PRR16: variants seen among roughly 807,000 people sequenced by gnomAD.
PRR16 encodes the protein protein Largen.
PRR16 carries 6 observed loss-of-function variants against 18.2 expected under a neutral mutation model. The ratio of observed to expected loss-of-function variants is 0.33; its 90% confidence interval spans 0.18 to 0.65. The LOEUF (loss-of-function observed/expected upper bound fraction) is 0.65. Among genes scored for constraint, PRR16 ranks in the 30% least tolerant of loss-of-function variants. PRR16 has a pLI of 0.74. For synonymous variants in PRR16, 151 were observed against 147.8 expected, an observed-to-expected ratio of 1.02 and a Z score of -0.16; for missense variants, 412 against 376.6, an observed-to-expected ratio of 1.09 and a Z score of -0.78.
At chr5:120,601,834 T>C (rs1753992611) in intron 1 of PRR16, among the ~76,000 whole-genome samples, 1 of 152,074 alleles carries the variant, frequency 6.6e-6, no homozygotes, top group African/African-American at 2.4e-5. Context: ...CATTCCTCAT[T>C]GCTTGTTGTT....
intron 1 of PRR16, among the ~76,000 whole-genome samples, chr5:120,646,994 T>G: frequency 6.6e-6 from 1 of 151,968 alleles, no homozygotes; most frequent in East Asian, 1.9e-4. Flanking sequence ...TTGAATGACT[T>G]GGGTCCAGAT....
the PRR16 span, among the ~76,000 whole-genome samples, chr5:120,707,194 A>G: frequency 1.3e-5 from 2 of 152,212 alleles, no homozygotes; most frequent in Non-Finnish European, 2.9e-5. Flanking sequence ...TATGAAGGCC[A>G]TCTTGTTCAC....
At chr5:120,792,212 C>G in the PRR16 span, among the ~76,000 whole-genome samples, 1 of 151,584 alleles carries the variant, frequency 6.6e-6, no homozygotes, top group Admixed American at 6.6e-5. Flanking sequence ...CAGCTGTACT[C>G]TCTCACGAAT....
intron 1 of PRR16, among the ~76,000 whole-genome samples, chr5:120,480,849 T>C (rs1420944562): frequency 6.6e-6 from 1 of 152,218 alleles, no homozygotes; most frequent in Non-Finnish European, 1.5e-5. Context: ...TTGTCTTAAA[T>C]TGTGAGGAAA....
At chr5:120,556,595 A>G (rs1202834690) in intron 1 of PRR16, among the ~76,000 whole-genome samples, 1 of 151,834 alleles carries the variant, frequency 6.6e-6, no homozygotes, top group Non-Finnish European at 1.5e-5. Context: ...AGGCTCTTTC[A>G]TTTTCTCAAC....
At chr5:120,747,977 G>A in the PRR16 span, among the ~76,000 whole-genome samples, 1 of 151,928 alleles carries the variant, frequency 6.6e-6, no homozygotes, top group Non-Finnish European at 1.5e-5. Context: ...TTATATGAAA[G>A]TATGTCATTT....
chr5:120,622,078 T>C (rs187285206), intron 1 of PRR16, among the ~76,000 whole-genome samples: 3 of 152,286 alleles, frequency 2.0e-5, no homozygotes, highest in Admixed American at 2.0e-4. Context: ...CAATTCTATG[T>C]CTGACAATAC....
intron 1 of PRR16, among the ~76,000 whole-genome samples, chr5:120,554,894 A>G (rs1752362767): frequency 6.6e-6 from 1 of 151,916 alleles, no homozygotes; most frequent in African/African-American, 2.4e-5. Flanking sequence ...GCTACAGCAT[A>G]TCTTTCTGTG....
chr5:120,742,373 C>A, the PRR16 span, among the ~76,000 whole-genome samples: 1 of 150,000 alleles, frequency 6.7e-6, no homozygotes, highest in Non-Finnish European at 1.5e-5. Context: ...GTTTATAATG[C>A]TCTTTTTCTC....
At chr5:120,731,097 G>A in the PRR16 span, among the ~76,000 whole-genome samples, 1 of 152,080 alleles carries the variant, frequency 6.6e-6, no homozygotes, top group Non-Finnish European at 1.5e-5. Context: ...CCATTTGTGA[G>A]AAAATTGAGG....
chr5:120,564,625 T>TG (rs138077957), intron 1 of PRR16, among the ~76,000 whole-genome samples: 2,511 of 152,174 alleles, frequency 0.017, 73 homozygotes, highest in African/African-American at 0.058. Flanking sequence ...CAGCCACTAT[T>TG]GGGGGGTGGA....
chr5:120,535,345 A>C (rs1751681221), intron 1 of PRR16, among the ~76,000 whole-genome samples: 1 of 152,202 alleles, frequency 6.6e-6, no homozygotes, highest in South Asian at 2.1e-4. Context: ...ATATTTTACC[A>C]ATTTACTTTA....
chr5:120,528,365 G>T (rs1007865637), intron 1 of PRR16, among the ~76,000 whole-genome samples: 2 of 152,140 alleles, frequency 1.3e-5, no homozygotes, highest in Middle Eastern at 6.3e-3. Flanking sequence ...CTGCATTTCA[G>T]TACAATGAAT....
chr5:120,634,058 A>G (rs546961317), intron 1 of PRR16, among the ~76,000 whole-genome samples: 6 of 152,288 alleles, frequency 3.9e-5, no homozygotes, highest in African/African-American at 1.2e-4. Flanking sequence ...ATTTAAGAAA[A>G]TTGAAATTAT....
At chr5:120,520,784 G>T (rs1561528619) in intron 1 of PRR16, among the ~76,000 whole-genome samples, 1 of 152,104 alleles carries the variant, frequency 6.6e-6, no homozygotes, top group Non-Finnish European at 1.5e-5. Context: ...TTTGTTTAAA[G>T]CTTTGAGGAT....
chr5:120,636,113 GA>G (rs1428321326), intron 1 of PRR16, among the ~76,000 whole-genome samples: 1 of 152,014 alleles, frequency 6.6e-6, no homozygotes, highest in Non-Finnish European at 1.5e-5. Context: ...AAACACTGCG[GA>G]AAGAAATCAT....
chr5:120,504,031 T>C (rs138956927), intron 1 of PRR16, among the ~76,000 whole-genome samples: 14 of 151,826 alleles, frequency 9.2e-5, no homozygotes, highest in Non-Finnish European at 1.9e-4. Flanking sequence ...TCTTTTCTTT[T>C]CTTTTATTAT....
At chr5:120,756,189 G>A in the PRR16 span, among the ~76,000 whole-genome samples, 1 of 152,140 alleles carries the variant, frequency 6.6e-6, no homozygotes, top group South Asian at 2.1e-4. Context: ...CTGATTGTTT[G>A]CAGTAGGGGA....
chr5:120,668,163 G>C (rs577394980), intron 1 of PRR16, among the ~76,000 whole-genome samples: 1 of 151,452 alleles, frequency 6.6e-6, no homozygotes, highest in Non-Finnish European at 1.5e-5. Flanking sequence ...ATATATTTAG[G>C]ATAGTTAGCT....
Sources: allele counts gnomAD v4.1 joint callset (sites outside exome capture counted in the v4.1 genomes callset), GRCh38; gene constraint gnomAD v4.1.1; transcripts MANE v1.5; gene names NCBI Gene and HGNC (gene_info 2026-07-23, HGNC 2026-07-21).